Variants in TRAPPC9 observed in about 807,000 individuals in gnomAD.
The protein encoded by TRAPPC9 is trafficking protein particle complex subunit 9.
In TRAPPC9, 83 loss-of-function variants were observed where a neutral mutation model predicts 124.0. The ratio of observed to expected loss-of-function variants is 0.67; its 90% CI spans 0.56 to 0.80. The LOEUF (loss-of-function observed/expected upper bound fraction) is 0.80, where lower values mean the gene tolerates loss of function less well. TRAPPC9 is among the 30% of genes least tolerant of loss of function. The pLI, the probability that TRAPPC9 is intolerant of heterozygous loss-of-function variation, is 0.00. For synonymous variants in TRAPPC9, 638 were observed against 617.5 expected, an observed-to-expected ratio of 1.03 and a Z score of -0.49; for missense variants, 1,302 against 1,508.3, an observed-to-expected ratio of 0.86 and a Z score of 2.27.
intron 8 of TRAPPC9, among the ~76,000 whole-genome samples, chr8:140,365,453 A>G (rs1388871647): frequency 6.6e-6 from 1 of 152,262 alleles, no homozygotes; most frequent in Non-Finnish European, 1.5e-5. Context: ...CCATGAGGCC[A>G]CAGCTAGCCT....
At chr8:140,368,295 T>C (rs1186457271) in intron 8 of TRAPPC9, among the ~76,000 whole-genome samples, 1 of 152,186 alleles carries the variant, frequency 6.6e-6, no homozygotes, top group Non-Finnish European at 1.5e-5. Flanking sequence ...GTTCTTGCTT[T>C]GTGCTGGACA....
intron 17 of TRAPPC9, among the ~76,000 whole-genome samples, chr8:140,189,641 G>A (rs978395636): frequency 1.3e-5 from 2 of 152,060 alleles, no homozygotes; most frequent in African/African-American, 4.8e-5. Context: ...TGGGTAGTGA[G>A]ATTTTGGGGA....
intron 18 of TRAPPC9, among the ~76,000 whole-genome samples, chr8:140,015,961 C>A (rs763061198): frequency 2.6e-5 from 4 of 152,198 alleles, no homozygotes; most frequent in Non-Finnish European, 5.9e-5. Flanking sequence ...AGGTTGACCA[C>A]CTGGCTGCAT....
chr8:140,119,559 A>C (rs552075529), intron 17 of TRAPPC9, among the ~76,000 whole-genome samples: 7 of 152,228 alleles, frequency 4.6e-5, no homozygotes, highest in Non-Finnish European at 1.0e-4. Context: ...CAACCTAATG[A>C]AGATGAATGT....
chr8:140,156,442 C>T (rs2061631865), intron 17 of TRAPPC9, among the ~76,000 whole-genome samples: 2 of 152,336 alleles, frequency 1.3e-5, no homozygotes, highest in Admixed American at 6.5e-5. Context: ...CTCTGTGAAA[C>T]TTGGGTTATT....
intron 17 of TRAPPC9, among the ~76,000 whole-genome samples, chr8:140,074,316 A>C (rs1843368574): frequency 6.6e-6 from 1 of 151,970 alleles, no homozygotes; most frequent in Non-Finnish European, 1.5e-5. Context: ...AGCAATCAGA[A>C]CTCCAGTGGT....
chr8:140,076,038 T>A (rs1263309895), intron 17 of TRAPPC9, among the ~76,000 whole-genome samples: 5 of 152,208 alleles, frequency 3.3e-5, no homozygotes, highest in Non-Finnish European at 7.4e-5. Flanking sequence ...GCTTTGCACA[T>A]GATTCTTGTA....
At chr8:140,132,973 C>G (rs2061233573) in intron 17 of TRAPPC9, among the ~76,000 whole-genome samples, 1 of 152,218 alleles carries the variant, frequency 6.6e-6, no homozygotes, top group Non-Finnish European at 1.5e-5. Flanking sequence ...ACTAGAAAAT[C>G]TGACCCAACA....
chr8:139,923,655 T>C (rs1832641376), intron 19 of TRAPPC9, among the ~76,000 whole-genome samples: 1 of 152,120 alleles, frequency 6.6e-6, no homozygotes, highest in Admixed American at 6.5e-5. Context: ...ATGTGCAGAG[T>C]CCTCAGAAGA....
At chr8:139,870,093 G>A (rs1828800710) in intron 21 of TRAPPC9, among the ~76,000 whole-genome samples, 2 of 152,184 alleles carry the variant, frequency 1.3e-5, no homozygotes, top group African/African-American at 4.8e-5. Flanking sequence ...CAAGGGTGGT[G>A]CTCACTCCTG....
At chr8:140,011,727 G>A (rs1312668551) in intron 18 of TRAPPC9, among the ~76,000 whole-genome samples, 2 of 145,224 alleles carry the variant, frequency 1.4e-5, no homozygotes, top group Non-Finnish European at 3.0e-5. Flanking sequence ...GCCCAGGCTG[G>A]AGTGCAATGG....
At chr8:140,272,379 TG>T (rs1474623200) in intron 15 of TRAPPC9, among the ~76,000 whole-genome samples, 7 of 104,404 alleles carry the variant, frequency 6.7e-5, no homozygotes, top group Non-Finnish European at 1.2e-4. Context: ...AGGGTGGTGG[TG>T]ATGATGGTGA....
intron 17 of TRAPPC9, among the ~76,000 whole-genome samples, chr8:140,122,023 T>TTC (rs533446141): frequency 0.043 from 5,935 of 138,454 alleles, 305 homozygotes; most frequent in African/African-American, 0.12. Flanking sequence ...CTTTCTTTCT[T>TTC]TCTCTCTCTC....
At chr8:140,011,623 C>A (rs62527027) in intron 18 of TRAPPC9, among the ~76,000 whole-genome samples, 2 of 147,318 alleles carry the variant, frequency 1.4e-5, no homozygotes, top group African/African-American at 5.0e-5. Context: ...CCTACCTCAG[C>A]CTCCCAAGTA....
At chr8:140,109,890 G>C (rs1338978460) in intron 17 of TRAPPC9, among the ~76,000 whole-genome samples, 1 of 152,178 alleles carries the variant, frequency 6.6e-6, no homozygotes, top group East Asian at 1.9e-4. Flanking sequence ...ACAGAGGCTG[G>C]GGAGACTGGG....
chr8:140,243,967 C>A (rs1042394445), intron 16 of TRAPPC9, among the ~76,000 whole-genome samples: 1 of 152,226 alleles, frequency 6.6e-6, no homozygotes, highest in Non-Finnish European at 1.5e-5. Flanking sequence ...TCAGCAGCGG[C>A]CTCAGGTTCT....
chr8:140,444,282 GT>G (rs1197927614), intron 2 of TRAPPC9, among the ~76,000 whole-genome samples: 3 of 151,414 alleles, frequency 2.0e-5, no homozygotes, highest in Non-Finnish European at 4.4e-5. Context: ...TTTGTTTTGT[GT>G]TTTTTATCTT....
At chr8:140,443,022 A>G (rs2132651641) in intron 2 of TRAPPC9, among the ~76,000 whole-genome samples, 1 of 149,684 alleles carries the variant, frequency 6.7e-6, no homozygotes, top group East Asian at 2.0e-4. Flanking sequence ...AGTCCCAGCT[A>G]CTCAGGAGGC....
chr8:139,891,818 C>A (rs933888006), intron 20 of TRAPPC9, among the ~76,000 whole-genome samples: 1 of 152,238 alleles, frequency 6.6e-6, no homozygotes, highest in Non-Finnish European at 1.5e-5. Flanking sequence ...CCGCTCTAAG[C>A]AGCTTACACG....
Sources: allele counts gnomAD v4.1 joint callset (sites outside exome capture counted in the v4.1 genomes callset), GRCh38; gene constraint gnomAD v4.1.1; transcripts MANE v1.5; gene names NCBI Gene and HGNC (gene_info 2026-07-23, HGNC 2026-07-21).